The following HS6ST2 variants were observed in gnomAD, a reference collection of about 807,000 sequenced individuals.
HS6ST2 encodes the protein heparan sulfate 6-O-sulfotransferase 2, also known as heparan-sulfate 6-O-sulfotransferase 2.
HS6ST2 carries 17 observed loss-of-function variants against 33.0 expected under a neutral mutation model. The ratio of observed to expected loss-of-function variants is 0.52; its 90% CI spans 0.35 to 0.77. HS6ST2 has a LOEUF of 0.77. Among genes scored for constraint, HS6ST2 ranks in the 30% least tolerant of loss-of-function variants. HS6ST2 has a pLI of 0.01. For missense variants in HS6ST2, 519 were observed against 551.7 expected (o/e 0.94, Z 0.59); for synonymous variants, 248 against 237.1 (o/e 1.05, Z -0.42).
At position 132,628,141 on chromosome X, in the gene HS6ST2, G is replaced by A. The variant is rs1317829371; in HGVS notation, c.*82C>T. On this transcript the variant is annotated 3_prime_UTR_variant, in exon 5 of 5. Transcript: ENST00000370833. ...TTCCCCAATGAAGGAAGCAGGATGT[G>A]TTTGGACACTTTCATCTTTTAAGCT... The A allele has an allele frequency of 2.7e-6, 2 of 735,173 alleles. No homozygotes were observed. The highest frequency in any genetic ancestry group is 3.5e-5 in the East Asian group (1 of 28,530). The allele number at this position is 735,173 out of a possible 1,213,427, so 60.6% of individuals were successfully genotyped here. A position where few individuals can be genotyped will look rare whatever the true frequency, so the allele number is the denominator to read the frequency against.
rs1173382915 is a variant in HS6ST2 at position 132,957,198 on chromosome X, A to G, written c.557T>C (p.Phe186Ser). 1 of 1,211,222 alleles carries G rather than the reference A, an allele frequency of 8.3e-7. No homozygotes were observed. The highest frequency in any genetic ancestry group is 2.2e-5 in the Admixed American group (1 of 46,084). Reference sequence around the variant, plus strand: ...GTACGGGTCCGGCACCGGGGAGCTGAACGCCTGCAGGCGGAGGAGCTGGCA... The same window carrying G: ...GTACGGGTCCGGCACCGGGGAGCTGGACGCCTGCAGGCGGAGGAGCTGGCA... ...TECQLLRLQA[F>S]SSPVPDPYRS... Residue 186 changes from phenylalanine (F) to serine (S), a missense_variant, in exon 2 of 5, where the codon TTC (phenylalanine) becomes TCC (serine). Phe to Ser is a radical substitution (Grantham distance 155). Transcript: ENST00000370833.
intron 2 of HS6ST2, among the ~76,000 whole-genome samples, chrX:132,772,166 C>T (rs932634961): frequency 2.7e-5 from 3 of 111,323 alleles, no homozygotes; most frequent in Admixed American, 9.7e-5. Context: ...TCACTTTTCT[C>T]GAGATCTGTG....
At chrX:132,801,568 T>C (rs1427399602) in intron 2 of HS6ST2, among the ~76,000 whole-genome samples, 1 of 111,615 alleles carries the variant, frequency 9.0e-6, no homozygotes, top group Non-Finnish European at 1.9e-5. Context: ...GCCAGTAGAA[T>C]TGCAGCGCCA....
intron 2 of HS6ST2, among the ~76,000 whole-genome samples, chrX:132,951,449 C>T (rs1234818123): frequency 9.0e-6 from 1 of 111,462 alleles, no homozygotes; most frequent in African/African-American, 3.3e-5. Context: ...CTCCTACTCC[C>T]AGAGGCCTTC....
chrX:132,697,974 T>G (rs932040235), intron 3 of HS6ST2, among the ~76,000 whole-genome samples: 1 of 111,910 alleles, frequency 8.9e-6, no homozygotes, highest in Non-Finnish European at 1.9e-5. Context: ...CTATTAGATA[T>G]CCTTTAATGG....
intron 2 of HS6ST2, among the ~76,000 whole-genome samples, chrX:132,842,037 G>A (rs1050109181): frequency 1.8e-5 from 2 of 112,005 alleles, no homozygotes; most frequent in Non-Finnish European, 3.8e-5. Context: ...TTAAAGGTTA[G>A]AAAAAATCCA....
chrX:132,669,231 CACA>C (rs777781474), intron 3 of HS6ST2, 32 bp from the exon 4 acceptor site: 47 of 1,148,425 alleles, frequency 4.1e-5, no homozygotes, highest in South Asian at 7.7e-5. Flanking sequence ...AAAACATATA[CACA>C]ACAAGGACCA....
At chrX:132,724,072 C>G (rs996954616) in intron 2 of HS6ST2, among the ~76,000 whole-genome samples, 1 of 111,559 alleles carries the variant, frequency 9.0e-6, no homozygotes, top group Non-Finnish European at 1.9e-5. Flanking sequence ...CCTGGGATCA[C>G]GCGTGGCTGC....
At chrX:132,758,932 AG>A (rs140372803) in intron 2 of HS6ST2, among the ~76,000 whole-genome samples, 2,400 of 111,585 alleles carry the variant, frequency 0.022, 46 homozygotes, top group East Asian at 0.13. Context: ...CCCCGTGCAA[AG>A]AAGTGGCCAG....
intron 2 of HS6ST2, among the ~76,000 whole-genome samples, chrX:132,870,687 A>G (rs1398822086): frequency 1.8e-5 from 2 of 111,999 alleles, no homozygotes; most frequent in Non-Finnish European, 3.8e-5. Flanking sequence ...TATTTAATAA[A>G]TGGTATTGGG....
intron 3 of HS6ST2, among the ~76,000 whole-genome samples, chrX:132,697,289 A>C (rs2064110922): frequency 8.9e-6 from 1 of 111,842 alleles, no homozygotes; most frequent in African/African-American, 3.2e-5. Flanking sequence ...GTGTCTATTT[A>C]GTGTCTTATG....
intron 2 of HS6ST2, among the ~76,000 whole-genome samples, chrX:132,904,390 T>A (rs2066452017): frequency 8.9e-6 from 1 of 111,948 alleles, no homozygotes; most frequent in African/African-American, 3.2e-5. Context: ...ACTATGAATA[T>A]TCTCATTTTG....
rs570457727 is a variant in HS6ST2 at position 132,715,386 on chromosome X, T to C, written c.948-6892A>G. ...AGGAGTTCAAGGCTGCAGTGAGCCA[T>C]GATCATGTCACTGCACTCCAGCTTG... On this transcript the variant is annotated intron_variant, in intron 2 of 4. Transcript: ENST00000370833. Among the ~76,000 whole-genome samples, 26 of 112,224 alleles carry C rather than the reference T, an allele frequency of 2.3e-4. No individual in the cohort carries two copies. The South Asian group carries it at 9.0e-3, about 39-fold the overall frequency.
At chrX:132,708,537 T>C (rs779818232) in intron 2 of HS6ST2, 43 bp from the exon 3 acceptor site, 49 of 1,096,401 alleles carry the variant, frequency 4.5e-5, no homozygotes, top group Non-Finnish European at 6.0e-5. Flanking sequence ...AAGAGCTTGG[T>C]AGGAGAGGAG....
chrX:132,716,649 A>G (rs2064276079), intron 2 of HS6ST2, among the ~76,000 whole-genome samples: 1 of 112,456 alleles, frequency 8.9e-6, no homozygotes, highest in Non-Finnish European at 1.9e-5. Flanking sequence ...TCATATACAT[A>G]CAGTATTTTT....
In HS6ST2 at chrX:132,641,309, G is replaced by A. The variant is rs141502807; in HGVS notation, c.1068-12216C>T. 1.1e-3 allele frequency among the ~76,000 whole-genome samples: 119 copies of A among 111,478 alleles called. 1 individual carries two copies. The highest frequency in any genetic ancestry group is 3.7e-3 in the African/African-American group (114 of 30,687). ...CAGGCATGCACCACAATGCCCAGCT[G>A]ATTTTTGTATTTTTAGTGGAGATGA... On this transcript the variant is annotated intron_variant, in intron 4 of 4. Transcript: ENST00000370833.
chrX:132,893,804 C>T (rs989485163), intron 2 of HS6ST2, among the ~76,000 whole-genome samples: 2 of 111,306 alleles, frequency 1.8e-5, no homozygotes, highest in African/African-American at 6.5e-5. Context: ...TATAGGCATA[C>T]AGCTTGCTGT....
At chrX:132,701,851 T>G (rs1195960729) in intron 3 of HS6ST2, among the ~76,000 whole-genome samples, 4 of 111,982 alleles carry the variant, frequency 3.6e-5, no homozygotes, top group African/African-American at 1.3e-4. Flanking sequence ...ACCAAACATT[T>G]TAGTGGTGTT....
chrX:132,666,895 A>G (rs1470998091), intron 4 of HS6ST2, among the ~76,000 whole-genome samples: 1 of 111,060 alleles, frequency 9.0e-6, no homozygotes, highest in Non-Finnish European at 1.9e-5. Context: ...AAGAAAATAC[A>G]CCATGGGGAA....
Sources: gnomAD v4.1 joint callset for allele counts (sites outside exome capture counted in the v4.1 genomes callset) on GRCh38, gnomAD v4.1.1 for gene constraint, MANE v1.5 for transcripts, NCBI Gene and HGNC (gene_info 2026-07-23, HGNC 2026-07-21) for gene names.